SEMA5A: variants seen among roughly 807,000 people sequenced by gnomAD.
The protein encoded by SEMA5A is semaphorin 5A, also known as semaphorin-5A.
A neutral mutation model predicts 135.5 loss-of-function variants in SEMA5A; 55 were observed. The ratio of observed to expected loss-of-function variants is 0.41; its 90% CI spans 0.33 to 0.51. The LOEUF is 0.51. SEMA5A is among the 20% of genes least tolerant of loss of function. The pLI, the probability that SEMA5A is intolerant of heterozygous loss-of-function variation, is 0.37. For missense variants in SEMA5A, 1,290 were observed against 1,419.9 expected, an observed-to-expected ratio of 0.91 and a Z score of 1.47; for synonymous variants, 580 against 546.5, an observed-to-expected ratio of 1.06 and a Z score of -0.85.
intron 21 of SEMA5A, among the ~76,000 whole-genome samples, chr5:9,047,466 A>AT (rs1736329774): frequency 6.6e-6 from 1 of 151,972 alleles, no homozygotes; most frequent in Non-Finnish European, 1.5e-5. Context: ...ATTTCTTCTG[A>AT]TTTTCTGCAT....
chr5:9,151,443 G>A (rs749674987), intron 12 of SEMA5A, among the ~76,000 whole-genome samples: 1 of 152,084 alleles, frequency 6.6e-6, no homozygotes, highest in Non-Finnish European at 1.5e-5. Flanking sequence ...TTACCCAATT[G>A]TTTTCCTATT....
intron 15 of SEMA5A, among the ~76,000 whole-genome samples, chr5:9,109,997 G>A (rs1045552868): frequency 6.6e-6 from 1 of 152,126 alleles, no homozygotes; most frequent in African/African-American, 2.4e-5. Flanking sequence ...TTCAGGAACA[G>A]GGACAATGTG....
chr5:9,348,809 G>A (rs1226360423), intron 3 of SEMA5A, among the ~76,000 whole-genome samples: 1 of 152,158 alleles, frequency 6.6e-6, no homozygotes, highest in Non-Finnish European at 1.5e-5. Context: ...AAAGCCATTC[G>A]CCACCAGATA....
intron 18 of SEMA5A, among the ~76,000 whole-genome samples, chr5:9,056,167 T>C (rs57635018): frequency 0.012 from 1,799 of 152,304 alleles, 39 homozygotes; most frequent in African/African-American, 0.04. Context: ...TGTAGATCCC[T>C]GGCCTCTGTA....
chr5:9,193,764 G>C (rs777399437), intron 10 of SEMA5A, among the ~76,000 whole-genome samples: 11 of 152,276 alleles, frequency 7.2e-5, no homozygotes, highest in East Asian at 1.9e-4. Context: ...CTGGCGTGGT[G>C]GTGGGCACCT....
At chr5:9,215,294 A>T (rs1746554878) in intron 8 of SEMA5A, among the ~76,000 whole-genome samples, 1 of 152,234 alleles carries the variant, frequency 6.6e-6, no homozygotes, top group Admixed American at 6.5e-5. Context: ...GTGACTTCAG[A>T]TCTCAACAGT....
At chr5:9,183,608 C>T (rs1014493637) in intron 11 of SEMA5A, among the ~76,000 whole-genome samples, 1 of 152,204 alleles carries the variant, frequency 6.6e-6, no homozygotes, top group Non-Finnish European at 1.5e-5. Flanking sequence ...CTGAGAGAAC[C>T]TGCGGTTGAA....
chr5:9,084,540 G>T (rs1738571534), intron 16 of SEMA5A, among the ~76,000 whole-genome samples: 1 of 152,170 alleles, frequency 6.6e-6, no homozygotes, highest in South Asian at 2.1e-4. Context: ...TTTAAAAACA[G>T]GAGTTTCCCT....
At chr5:9,459,998 A>G (rs554918242) in intron 1 of SEMA5A, among the ~76,000 whole-genome samples, 1 of 152,320 alleles carries the variant, frequency 6.6e-6, no homozygotes, top group East Asian at 1.9e-4. Context: ...CAAATAAGAG[A>G]AATAAAATAA....
intron 1 of SEMA5A, among the ~76,000 whole-genome samples, chr5:9,453,763 T>C (rs1758732897): frequency 6.6e-6 from 1 of 152,202 alleles, no homozygotes; most frequent in African/African-American, 2.4e-5. Flanking sequence ...AGTGACTTCA[T>C]AGAGCATAAT....
At chr5:9,309,912 A>G (rs914421881) in intron 5 of SEMA5A, among the ~76,000 whole-genome samples, 1 of 152,248 alleles carries the variant, frequency 6.6e-6, no homozygotes, top group African/African-American at 2.4e-5. Context: ...ATAAGAGCCT[A>G]GAATCTGAGG....
Position 9,041,275 on chromosome 5 carries a change from T to C in SEMA5A, c.*1622A>G, listed in dbSNP as rs1476382056. On this transcript the variant is annotated 3_prime_UTR_variant, in exon 23 of 23. Coordinates refer to ENST00000382496, the MANE Select transcript of SEMA5A (RefSeq NM_003966.3). The stretch of plus-strand genomic sequence containing the variant: ...AAGATAAGGGTAAAATCACATATGC[T>C]AATAAAATTCTATGTTCCTTAGTCC... 1.3e-5 allele frequency: 2 copies of C among 152,234 alleles called. No homozygotes were observed. The highest frequency in any genetic ancestry group is 6.5e-5 in the Admixed American group (1 of 15,286). 9.4% of individuals were successfully genotyped at this position (152,234 alleles called of 1,614,324 possible). A position where few individuals can be genotyped will look rare whatever the true frequency, so the allele number is the denominator to read the frequency against.
At chr5:9,136,975 C>T (rs1346007389) in intron 12 of SEMA5A, among the ~76,000 whole-genome samples, 1 of 152,210 alleles carries the variant, frequency 6.6e-6, no homozygotes, top group African/African-American at 2.4e-5. Context: ...TCACCATGAT[C>T]ATCCGCCTCC....
At position 9,154,062 on chromosome 5, in the gene SEMA5A, AATATATAT is replaced by A. The variant is rs1553993746; in HGVS notation, c.1481+418_1481+425del. Among the ~76,000 whole-genome samples, 148 of 68,262 alleles carry A rather than the reference AATATATAT, an allele frequency of 2.2e-3. 5 individuals carry two copies. Among genetic ancestry groups the A allele is most frequent in the South Asian group, 7.3e-3 (14 of 1,912 alleles). The allele number at this position is 68,262 out of a possible 152,430, so 44.8% of individuals were successfully genotyped here. A position where few individuals can be genotyped will look rare whatever the true frequency, so the allele number is the denominator to read the frequency against. On this transcript the variant is annotated intron_variant, in intron 12 of 22. Coordinates refer to ENST00000382496, the MANE Select transcript of SEMA5A (RefSeq NM_003966.3). ...CTGTGTCTCAAAAAAAAAAAAAAAA[AATATATAT>A]ATATATATATATATATATATATATG...
intron 3 of SEMA5A, among the ~76,000 whole-genome samples, chr5:9,338,739 T>C (rs1753507956): frequency 6.6e-6 from 1 of 152,102 alleles, no homozygotes; most frequent in African/African-American, 2.4e-5. Flanking sequence ...AAGATGTTGG[T>C]TTGAGGAAAA....
At chr5:9,494,538 C>A (rs1735202811) in intron 1 of SEMA5A, among the ~76,000 whole-genome samples, 1 of 152,092 alleles carries the variant, frequency 6.6e-6, no homozygotes, top group African/African-American at 2.4e-5. Flanking sequence ...CTGCTCCTAG[C>A]CCCCAGGCCC....
chr5:9,143,192 C>T (rs1353461052), intron 12 of SEMA5A, among the ~76,000 whole-genome samples: 2 of 152,094 alleles, frequency 1.3e-5, no homozygotes, highest in African/African-American at 4.8e-5. Flanking sequence ...GATGGAGATG[C>T]ATACAGTTGT....
intron 21 of SEMA5A, among the ~76,000 whole-genome samples, chr5:9,045,482 G>T (rs1001950189): frequency 2.0e-5 from 3 of 152,126 alleles, no homozygotes; most frequent in African/African-American, 7.2e-5. Flanking sequence ...AAGTACAAAA[G>T]GGTCTACAGG....
At position 9,367,514 on chromosome 5, in the gene SEMA5A, A is replaced by G. The variant is rs114118040; in HGVS notation, c.124+12309T>C. 2.8e-3 allele frequency: 430 copies of G among 152,384 alleles called. 2 individuals carry two copies. The highest frequency in any genetic ancestry group is 9.7e-3 in the African/African-American group (405 of 41,592). 9.4% of individuals were successfully genotyped at this position (152,384 alleles called of 1,614,324 possible). On this transcript the variant is annotated intron_variant, in intron 3 of 22. Coordinates refer to ENST00000382496, the MANE Select transcript of SEMA5A (RefSeq NM_003966.3). ...ATTCCAAAAAGTATTTTTATCACTTAAATTCAAAAGCAATCTGAAAATCAA... is the reference window on the plus strand; with the variant it reads ...ATTCCAAAAAGTATTTTTATCACTTGAATTCAAAAGCAATCTGAAAATCAA...
Sources: allele counts gnomAD v4.1 joint callset (sites outside exome capture counted in the v4.1 genomes callset), GRCh38; gene constraint gnomAD v4.1.1; transcripts MANE v1.5; gene names NCBI Gene and HGNC (gene_info 2026-07-23, HGNC 2026-07-21).